MRTFA: variants seen among roughly 807,000 people sequenced by gnomAD.
The protein encoded by MRTFA is myocardin related transcription factor A.
Under a neutral mutation model 83.5 loss-of-function variants are expected in MRTFA, and 20 were observed. The ratio of observed to expected loss-of-function variants is 0.24; its 90% CI spans 0.17 to 0.35. The LOEUF (loss-of-function observed/expected upper bound fraction) is 0.35. MRTFA is among the 10% of genes least tolerant of loss of function. The pLI is 1.00. For synonymous variants in MRTFA, 659 were observed against 541.2 expected, an observed-to-expected ratio of 1.22 and a Z score of -3.02; for missense variants, 1,200 against 1,224.7, an observed-to-expected ratio of 0.98 and a Z score of 0.30.
At chr22:40,413,805 G>A (rs768303752) in intron 14 of MRTFA, among the ~76,000 whole-genome samples, 7 of 152,164 alleles carry the variant, frequency 4.6e-5, no homozygotes, top group Non-Finnish European at 8.8e-5. Flanking sequence ...TTCTCCAATA[G>A]AAGATACACA....
rs1019087082 is a variant in MRTFA at position 40,625,437 on chromosome 22, A to G, written c.-84+11041T>C. Among the ~76,000 whole-genome samples, 35 of 149,704 alleles carry G rather than the reference A, an allele frequency of 2.3e-4. No individual in the cohort carries two copies. In the East Asian group the frequency reaches 6.9e-3, roughly 29 times the overall value. The stretch of plus-strand genomic sequence containing the variant: ...TCACAACCAGCCCAGGCAACATAGC[A>G]AGGCCCTCTCTCTAAATAAATAAAT... On this transcript the variant is annotated intron_variant, in intron 1 of 14. Coordinates refer to ENST00000355630, the MANE Select transcript of MRTFA (RefSeq NM_020831.6).
At chr22:40,440,845 G>A (rs1443857570) in intron 4 of MRTFA, among the ~76,000 whole-genome samples, 1 of 152,218 alleles carries the variant, frequency 6.6e-6, no homozygotes, top group East Asian at 1.9e-4. Context: ...AAGACACGAG[G>A]AAGCAGAAAA....
chr22:40,556,926 G>GA (rs1569326753), intron 2 of MRTFA, among the ~76,000 whole-genome samples: 2 of 152,286 alleles, frequency 1.3e-5, no homozygotes, highest in South Asian at 4.1e-4. Context: ...AAGGAAAATA[G>GA]AATGGTATCA....
At chr22:40,417,171 G>A (rs1054915219) in intron 13 of MRTFA, 125 bp from the exon 14 acceptor site, 96 of 1,357,488 alleles carry the variant, frequency 7.1e-5, no homozygotes, top group Non-Finnish European at 8.7e-5. Context: ...ACCCATGGGC[G>A]TGCCCGGACT....
chr22:40,496,057 C>G lies in MRTFA; in HGVS notation c.242-32771G>C, dbSNP rs890457802. Among the ~76,000 whole-genome samples the G allele has an allele frequency of 4.8e-4, 72 of 150,736 alleles. 1 individual carries two copies. The highest frequency in any genetic ancestry group is 1.6e-3 in the African/African-American group (66 of 40,984). ...CTCCATCCCGGGCCACAGAATGAGA[C>G]TCAGTCTCAGAAAAAAAAAAATAAA... is the stretch of plus-strand genomic sequence containing the variant. On this transcript the variant is annotated intron_variant, in intron 3 of 14. Transcript: ENST00000355630.
At chr22:40,437,987 G>A (rs1303963268) in intron 4 of MRTFA, among the ~76,000 whole-genome samples, 1 of 152,060 alleles carries the variant, frequency 6.6e-6, no homozygotes, top group Non-Finnish European at 1.5e-5. Flanking sequence ...ACGGACACAA[G>A]GTGACTAGTG....
chr22:40,422,140 G>C (rs2052853955), intron 9 of MRTFA, among the ~76,000 whole-genome samples: 1 of 149,638 alleles, frequency 6.7e-6, no homozygotes, highest in African/African-American at 2.5e-5. Flanking sequence ...GGCAGAGGCA[G>C]AGGCAGAGGC....
chr22:40,553,980 T>C (rs1392693492), intron 2 of MRTFA, among the ~76,000 whole-genome samples: 2 of 152,218 alleles, frequency 1.3e-5, no homozygotes, highest in Non-Finnish European at 2.9e-5. Context: ...AAGGAGATCA[T>C]TTCAGAGCCT....
intron 2 of MRTFA, among the ~76,000 whole-genome samples, chr22:40,589,845 G>T (rs932781643): frequency 6.6e-6 from 1 of 152,000 alleles, no homozygotes; most frequent in Non-Finnish European, 1.5e-5. Context: ...TGACCAACAT[G>T]GTGAAACCCC....
intron 1 of MRTFA, among the ~76,000 whole-genome samples, chr22:40,630,086 G>A (rs1367573884): frequency 6.6e-6 from 1 of 151,888 alleles, no homozygotes; most frequent in Admixed American, 6.6e-5. Context: ...GCCAAGGCAG[G>A]CGGATCACCT....
chr22:40,411,281 T>G lies in MRTFA; in HGVS notation c.*109A>C. On this transcript the variant is annotated 3_prime_UTR_variant, in exon 15 of 15. Coordinates refer to ENST00000355630, the MANE Select transcript of MRTFA (RefSeq NM_020831.6). Reference sequence around the variant, plus strand: ...CAGGGAAGGGAAAAAGCAGGGGCTGTGATTGTCAAGACTCACAACCATGTG... The same window carrying G: ...CAGGGAAGGGAAAAAGCAGGGGCTGGGATTGTCAAGACTCACAACCATGTG... 8.2e-7 allele frequency: 1 copy of G among 1,224,464 alleles called. No individual in the cohort carries two copies. Among genetic ancestry groups the G allele is most frequent in the Non-Finnish European group, 1.1e-6 (1 of 890,612 alleles). 75.8% of individuals were successfully genotyped at this position (1,224,464 alleles called of 1,614,324 possible).
chr22:40,503,888 C>A (rs1024935122), intron 3 of MRTFA, among the ~76,000 whole-genome samples: 1 of 151,832 alleles, frequency 6.6e-6, no homozygotes, highest in Non-Finnish European at 1.5e-5. Flanking sequence ...TGCCACTGCA[C>A]TTCAGCCTGG....
At chr22:40,451,024 G>A (rs2053476655) in intron 4 of MRTFA, among the ~76,000 whole-genome samples, 1 of 152,280 alleles carries the variant, frequency 6.6e-6, no homozygotes, top group South Asian at 2.1e-4. Context: ...GTAATTATTA[G>A]CATTAAAATG....
At chr22:40,624,397 G>A (rs1229629545) in intron 1 of MRTFA, among the ~76,000 whole-genome samples, 3 of 141,354 alleles carry the variant, frequency 2.1e-5, no homozygotes, top group South Asian at 2.2e-4. Context: ...CTGCACTCCA[G>A]CCTGGGCAAC....
At chr22:40,545,762 T>C (rs1490297118) in intron 3 of MRTFA, among the ~76,000 whole-genome samples, 1 of 144,308 alleles carries the variant, frequency 6.9e-6, no homozygotes, top group African/African-American at 2.6e-5. Context: ...ACATGGAGTC[T>C]TGCTCTTGTC....
intron 3 of MRTFA, among the ~76,000 whole-genome samples, chr22:40,514,020 GGCA>G (rs1210803395): frequency 6.6e-6 from 1 of 152,100 alleles, no homozygotes; most frequent in Non-Finnish European, 1.5e-5. Context: ...GGGAGGCCGA[GGCA>G]GGCAGATCAC....
chr22:40,452,321 T>C (rs1228348524), intron 4 of MRTFA, among the ~76,000 whole-genome samples: 1 of 152,158 alleles, frequency 6.6e-6, no homozygotes, highest in East Asian at 1.9e-4. Flanking sequence ...CAGTTATCTA[T>C]CAGGACTCCC....
At chr22:40,438,055 A>T (rs1215019641) in intron 4 of MRTFA, among the ~76,000 whole-genome samples, 4 of 152,198 alleles carry the variant, frequency 2.6e-5, no homozygotes, top group African/African-American at 9.6e-5. Flanking sequence ...AACAGCCAGA[A>T]TTCTGGTTCT....
At chr22:40,464,603 T>G (rs1049901838) in intron 3 of MRTFA, among the ~76,000 whole-genome samples, 1 of 152,036 alleles carries the variant, frequency 6.6e-6, no homozygotes, top group Non-Finnish European at 1.5e-5. Context: ...TAATTAAGTC[T>G]TCAGGTGTAG....
Sources: allele counts gnomAD v4.1 joint callset (sites outside exome capture counted in the v4.1 genomes callset), GRCh38; gene constraint gnomAD v4.1.1; transcripts MANE v1.5; gene names NCBI Gene and HGNC (gene_info 2026-07-23, HGNC 2026-07-21).